The following CADM2 variants were observed in gnomAD, a reference collection of about 807,000 sequenced individuals.
The protein encoded by CADM2 is immunoglobulin superfamily member 4D.
A neutral mutation model predicts 49.8 loss-of-function variants in CADM2; 12 were observed. That is an observed-to-expected ratio of 0.24 (90% CI 0.15 to 0.39). CADM2 has a LOEUF of 0.39. Ranked by LOEUF, CADM2 falls within the 10% of genes least tolerant of loss-of-function variation. The pLI is 1.00. For missense variants in CADM2, 378 were observed against 492.3 expected (o/e 0.77, Z 2.20); for synonymous variants, 214 against 175.4 (o/e 1.22, Z -1.74).
At chr3:85,717,612 G>T (rs2107756180) in intron 1 of CADM2, among the ~76,000 whole-genome samples, 1 of 152,294 alleles carries the variant, frequency 6.6e-6, no homozygotes, top group Admixed American at 6.5e-5. Context: ...CATTCAGGAT[G>T]ATATTGGCTG....
intron 1 of CADM2, among the ~76,000 whole-genome samples, chr3:85,455,846 C>G (rs905648400): frequency 6.6e-6 from 1 of 151,904 alleles, no homozygotes; most frequent in Non-Finnish European, 1.5e-5. Flanking sequence ...TGAGTGTGTT[C>G]GTGTGTGTGT....
chr3:85,704,206 A>G (rs961719542), intron 1 of CADM2, among the ~76,000 whole-genome samples: 2 of 152,154 alleles, frequency 1.3e-5, no homozygotes, highest in African/African-American at 4.8e-5. Context: ...CTACATGACA[A>G]CTTCTGTATG....
intron 3 of CADM2, chr3:85,805,570 T>C (rs2072360153): frequency 6.6e-6 from 1 of 152,190 alleles, no homozygotes; most frequent in South Asian, 2.1e-4. Context: ...TTGAAGGGAT[T>C]CTTGGACAGT....
chr3:85,266,481 T>C (rs2043123234), intron 1 of CADM2, among the ~76,000 whole-genome samples: 1 of 151,792 alleles, frequency 6.6e-6, no homozygotes, highest in South Asian at 2.1e-4. Context: ...TTACTAATCA[T>C]AGTGTACCAA....
intron 8 of CADM2, among the ~76,000 whole-genome samples, chr3:85,988,625 A>T (rs1728403901): frequency 6.6e-6 from 1 of 152,332 alleles, no homozygotes; most frequent in East Asian, 1.9e-4. Flanking sequence ...GAGTTAAAAA[A>T]GAAAGGGTCA....
intron 1 of CADM2, among the ~76,000 whole-genome samples, chr3:85,447,074 A>G (rs1362775381): frequency 4.1e-5 from 6 of 144,878 alleles, no homozygotes; most frequent in African/African-American, 7.6e-5. Flanking sequence ...TTATAGTTAT[A>G]ATTCATATGG....
chr3:85,897,241 C>CTTTTTTTTTTTT lies in CADM2; in HGVS notation c.529+10942_529+10953dup, dbSNP rs752550127. ...CAACAATAATTGCTTTAACCTACATCTTTTTTTTTTTTTTTTTTTTTTTTT... is the reference window on the plus strand; with the variant it reads ...CAACAATAATTGCTTTAACCTACATCTTTTTTTTTTTTTTTTTTTTTTTTTTTTTTTTTTTTT... On this transcript the variant is annotated intron_variant, in intron 5 of 9. Transcript: ENST00000383699. Among the ~76,000 whole-genome samples the CTTTTTTTTTTTT allele has an allele frequency of 6.1e-4, 28 of 45,926 alleles. 7 individuals carry two copies. The highest frequency in any genetic ancestry group is 1.3e-3 in the African/African-American group (20 of 14,948). 30.1% of individuals were successfully genotyped at this position (45,926 alleles called of 152,430 possible).
intron 1 of CADM2, among the ~76,000 whole-genome samples, chr3:85,060,654 C>A (rs1469317716): frequency 6.6e-6 from 1 of 152,004 alleles, no homozygotes; most frequent in African/African-American, 2.4e-5. Flanking sequence ...GATACAGACA[C>A]CAGTCTTTGA....
chr3:85,865,704 T>C lies in CADM2; in HGVS notation c.239-17587T>C, dbSNP rs540415076. ...GTATTTTTATGAGCCTAAACTGTGA[T>C]TGAAGCTGTGTTAAGTCACAGCTGG... is the stretch of plus-strand genomic sequence containing the variant. On this transcript the variant is annotated intron_variant, in intron 3 of 9. Transcript: ENST00000383699. Among the ~76,000 whole-genome samples the C allele has an allele frequency of 2.6e-5, 4 of 152,308 alleles. No individual in the cohort carries two copies. In the East Asian group the frequency reaches 7.7e-4, roughly 29 times the overall value.
chr3:85,940,353 CA>C (rs1721743491), intron 7 of CADM2, among the ~76,000 whole-genome samples: 1 of 151,182 alleles, frequency 6.6e-6, no homozygotes. Flanking sequence ...AAAATTACAG[CA>C]AAACAGTTTT....
At chr3:85,686,653 A>G (rs1308242598) in intron 1 of CADM2, among the ~76,000 whole-genome samples, 2 of 152,174 alleles carry the variant, frequency 1.3e-5, no homozygotes, top group Non-Finnish European at 2.9e-5. Context: ...GTGAAAGGAA[A>G]ATATCTTGGG....
At chr3:85,924,874 A>G (rs1342205683) in intron 6 of CADM2, among the ~76,000 whole-genome samples, 1 of 152,172 alleles carries the variant, frequency 6.6e-6, no homozygotes, top group Non-Finnish European at 1.5e-5. Flanking sequence ...CTACAGCTTG[A>G]CATTCAAGGC....
intron 7 of CADM2, among the ~76,000 whole-genome samples, chr3:85,936,574 T>G (rs1259793849): frequency 6.6e-6 from 1 of 151,824 alleles, no homozygotes; most frequent in African/African-American, 2.4e-5. Flanking sequence ...GTAATTTACT[T>G]GATTTGTTAA....
chr3:85,347,570 AATAT>A lies in CADM2; in HGVS notation c.62-378946_62-378943del, dbSNP rs1225803468. Among the ~76,000 whole-genome samples, 4 of 135,820 alleles carry A rather than the reference AATAT, an allele frequency of 2.9e-5. No homozygotes were observed. The East Asian group carries it at 8.0e-4, about 27-fold the overall frequency. 89.1% of individuals were successfully genotyped at this position (135,820 alleles called of 152,430 possible). A position where few individuals can be genotyped will look rare whatever the true frequency, so the allele number is the denominator to read the frequency against. On this transcript the variant is annotated intron_variant, in intron 1 of 9. Coordinates refer to ENST00000383699, the MANE Select transcript of CADM2 (RefSeq NM_001167675.2). Reference sequence around the variant, plus strand: ...AAATATATATACACACATATATATAAATATATATACATATATACATATATATACA... The same window carrying A: ...AAATATATATACACACATATATATAAATATACATATATACATATATATACA...
rs148882049 is a variant in CADM2, at chr3:86,012,451, G to A, written c.970+50804G>A. 3.6e-3 allele frequency: 1,874 copies of A among 521,534 alleles called. 4 individuals are homozygous for A. The highest frequency in any genetic ancestry group is 5.0e-3 in the Non-Finnish European group (1,586 of 318,236). 32.3% of individuals were successfully genotyped at this position (521,534 alleles called of 1,614,324 possible). Reference sequence around the variant, plus strand: ...CCCGCCCGCCCCTCGCCCGCGCGCCGGCCCTGCAGAGCCGGCCGACCTGGC... The same window carrying A: ...CCCGCCCGCCCCTCGCCCGCGCGCCAGCCCTGCAGAGCCGGCCGACCTGGC... On this transcript the variant is annotated intron_variant, in intron 8 of 9. Coordinates refer to ENST00000383699, the MANE Select transcript of CADM2 (RefSeq NM_001167675.2).
At chr3:85,983,064 C>A (rs1226704110) in intron 8 of CADM2, among the ~76,000 whole-genome samples, 1 of 151,616 alleles carries the variant, frequency 6.6e-6, no homozygotes, top group Non-Finnish European at 1.5e-5. Flanking sequence ...TTTTACAACT[C>A]CTGCTATTGC....
At chr3:85,997,032 T>C (rs1393396452) in intron 8 of CADM2, among the ~76,000 whole-genome samples, 1 of 152,186 alleles carries the variant, frequency 6.6e-6, no homozygotes, top group African/African-American at 2.4e-5. Flanking sequence ...GGAGGTGTAA[T>C]TGCTTTGTCT....
intron 1 of CADM2, among the ~76,000 whole-genome samples, chr3:85,566,334 T>C (rs1016986657): frequency 1.3e-5 from 2 of 152,130 alleles, no homozygotes; most frequent in Non-Finnish European, 2.9e-5. Flanking sequence ...TTAAGTGATT[T>C]TTTTTTTACA....
chr3:85,998,426 C>G (rs1215142054), intron 8 of CADM2, among the ~76,000 whole-genome samples: 3 of 151,888 alleles, frequency 2.0e-5, no homozygotes, highest in Non-Finnish European at 4.4e-5. Context: ...TGTCTTCAAA[C>G]ACAAAGAGGA....
Sources: gnomAD v4.1 joint callset for allele counts (sites outside exome capture counted in the v4.1 genomes callset) on GRCh38, gnomAD v4.1.1 for gene constraint, MANE v1.5 for transcripts, NCBI Gene and HGNC (gene_info 2026-07-23, HGNC 2026-07-21) for gene names.